Variants in TGM6 observed in about 807,000 individuals in gnomAD.
TGM6 encodes transglutaminase 6.
A neutral mutation model predicts 77.5 loss-of-function variants in TGM6; 74 were observed. That is an observed-to-expected ratio of 0.96 (90% CI 0.79 to 1.16). The LOEUF (loss-of-function observed/expected upper bound fraction) is 1.16, where lower values mean the gene tolerates loss of function less well. TGM6 is among the 50% of genes most tolerant of loss of function. TGM6 has a pLI of 0.00. For missense variants in TGM6, 968 were observed against 940.2 expected (o/e 1.03, Z -0.39); for synonymous variants, 383 against 378.9 (o/e 1.01, Z -0.12).
At chr20:2,419,210 ATCTCTCTCAG>A (rs1450278505) in intron 10 of TGM6, among the ~76,000 whole-genome samples, 1 of 150,892 alleles carries the variant, frequency 6.6e-6, no homozygotes, top group Non-Finnish European at 1.5e-5. Flanking sequence ...CTGTCTCTCT[ATCTCTCTCAG>A]TCTATCTCTG....
chr20:2,381,182 A>G (rs887673595), intron 1 of TGM6, among the ~76,000 whole-genome samples: 5 of 152,134 alleles, frequency 3.3e-5, no homozygotes, highest in African/African-American at 1.2e-4. Flanking sequence ...GCCATGGCCC[A>G]GGCTGGCTCA....
At chr20:2,398,767 A>G (rs2084685990) in intron 5 of TGM6, among the ~76,000 whole-genome samples, 2 of 152,214 alleles carry the variant, frequency 1.3e-5, no homozygotes, top group African/African-American at 4.8e-5. Context: ...AGGCATGACA[A>G]CTTTAACCTA....
At position 2,398,004 on chromosome 20, in the gene TGM6, C is replaced by T. The variant is rs1013563824; in HGVS notation, c.630C>T (p.Cys210=). Reference sequence around the variant, plus strand: ...ACAACCCAGCCACCGACGTGTCCTGCCGCCACAACCCCATCTACGTCACCA... The same window carrying T: ...ACAACCCAGCCACCGACGTGTCCTGTCGCCACAACCCCATCTACGTCACCA... ...HQNNPATDVS[C]RHNPIYVTRV... is the part of the protein sequence containing the mutation. The change falls in exon 5 of 13, where the codon TGC becomes TGT. Residue 210 remains cysteine, a synonymous_variant. Transcript: ENST00000202625. The T allele has an allele frequency of 6.2e-7, 1 of 1,614,044 alleles. No individual in the cohort carries two copies. Among genetic ancestry groups the T allele is most frequent in the African/African-American group, 1.3e-5 (1 of 74,904 alleles).
chr20:2,428,930 T>C (rs2084906256), intron 10 of TGM6, among the ~76,000 whole-genome samples: 1 of 151,992 alleles, frequency 6.6e-6, no homozygotes, highest in Non-Finnish European at 1.5e-5. Context: ...TTCAAGTAAT[T>C]CTCCTGCCTC....
At chr20:2,395,491 G>C (rs2084658934) in intron 3 of TGM6, 55 bp downstream of exon 3, 2 of 1,613,926 alleles carry the variant, frequency 1.2e-6, no homozygotes, top group Non-Finnish European at 1.7e-6. Context: ...CCTTAGAGGA[G>C]AGCCTGCCCT....
chr20:2,428,858 C>T lies in TGM6; in HGVS notation c.1679-1588C>T, dbSNP rs901656670. 1.4e-4 allele frequency among the ~76,000 whole-genome samples: 21 copies of T among 152,304 alleles called. 1 individual carries two copies. Among genetic ancestry groups the T allele is most frequent in the Admixed American group, 7.2e-4 (11 of 15,294 alleles). ...TGTTATTTTGAGATAGAGTCTCTCT[C>T]TGTCGCTCAGGCTGGAGTGCAGTGG... On this transcript the variant is annotated intron_variant, in intron 10 of 12. Coordinates refer to ENST00000202625, the MANE Select transcript of TGM6 (RefSeq NM_198994.3).
intron 1 of TGM6, among the ~76,000 whole-genome samples, chr20:2,386,734 C>G (rs1180301275): frequency 6.6e-6 from 1 of 152,102 alleles, no homozygotes; most frequent in African/African-American, 2.4e-5. Context: ...ATCCCACCAC[C>G]TCCTCTTGCC....
At chr20:2,384,860 G>A (rs1311503484) in intron 1 of TGM6, among the ~76,000 whole-genome samples, 1 of 152,136 alleles carries the variant, frequency 6.6e-6, no homozygotes, top group Non-Finnish European at 1.5e-5. Flanking sequence ...TGCCTGGGGG[G>A]TACAGCCTCA....
chr20:2,414,934 T>TGG (rs796313071), intron 9 of TGM6, among the ~76,000 whole-genome samples: 44 of 28,708 alleles, frequency 1.5e-3, no homozygotes, highest in African/African-American at 4.4e-3. Flanking sequence ...TTACAGAATT[T>TGG]GGGGGGGGGG....
chr20:2,414,363 G>T (rs1011069376), intron 9 of TGM6, among the ~76,000 whole-genome samples: 1 of 152,152 alleles, frequency 6.6e-6, no homozygotes, highest in African/African-American at 2.4e-5. Context: ...ACCACAATGA[G>T]ATACCACTTC....
chr20:2,387,195 C>T (rs886762395), intron 1 of TGM6, among the ~76,000 whole-genome samples: 1 of 152,176 alleles, frequency 6.6e-6, no homozygotes. Context: ...TACCTGGTTG[C>T]GGGAGAGGGT....
At chr20:2,395,171 T>C (rs1341658044) in intron 2 of TGM6, 23 bp from the exon 3 acceptor site, 2 of 1,610,056 alleles carry the variant, frequency 1.2e-6, no homozygotes, top group Non-Finnish European at 8.5e-7. Context: ...AAGGGTCTCC[T>C]GATTCCCTCT....
intron 1 of TGM6, among the ~76,000 whole-genome samples, chr20:2,391,176 T>C (rs1190876596): frequency 1.3e-5 from 2 of 151,326 alleles, no homozygotes; most frequent in Non-Finnish European, 2.9e-5. Flanking sequence ...GGGAACCCAG[T>C]GAGCATGACA....
At chr20:2,396,993 C>T (rs75737558) in intron 4 of TGM6, among the ~76,000 whole-genome samples, 6,580 of 152,274 alleles carry the variant, frequency 0.043, 204 homozygotes, top group Middle Eastern at 0.092. Context: ...TGAGAATGTG[C>T]GTTTCTAACC....
At chr20:2,399,438 G>A in intron 5 of TGM6, 123 bp from the exon 6 acceptor site, 1 of 1,360,570 alleles carries the variant, frequency 7.3e-7, no homozygotes, top group Non-Finnish European at 1.0e-6. Context: ...TTTTCAGACA[G>A]TTAAAAAGCA....
intron 12 of TGM6, among the ~76,000 whole-genome samples, chr20:2,431,944 G>C (rs180944527): frequency 6.6e-6 from 1 of 152,246 alleles, no homozygotes; most frequent in Non-Finnish European, 1.5e-5. Context: ...AAAGCCCAGA[G>C]GGGGGAAGTT....
At chr20:2,423,377 A>C (rs1204851462) in intron 10 of TGM6, among the ~76,000 whole-genome samples, 1 of 152,096 alleles carries the variant, frequency 6.6e-6, no homozygotes, top group Non-Finnish European at 1.5e-5. Context: ...TGTAATATTC[A>C]AAATCTTTTG....
At chr20:2,397,617 C>T (rs1044176428) in intron 4 of TGM6, among the ~76,000 whole-genome samples, 4 of 152,152 alleles carry the variant, frequency 2.6e-5, no homozygotes, top group African/African-American at 7.2e-5. Context: ...AGCATATCAG[C>T]GAGGTGGATG....
Position 2,420,520 on chromosome 20 carries a change from G to A in TGM6, c.1678+2947G>A, listed in dbSNP as rs180760179. 2.6e-5 allele frequency among the ~76,000 whole-genome samples: 4 copies of A among 152,308 alleles called. No homozygotes were observed. The East Asian group carries it at 5.8e-4, about 22-fold the overall frequency. On this transcript the variant is annotated intron_variant, in intron 10 of 12. Coordinates refer to ENST00000202625, the MANE Select transcript of TGM6 (RefSeq NM_198994.3). ...CATAGTTAATATTAGGGTTCACTCT[G>A]TGTTGTGCATTCTATGGCTTTTGAC...
Sources: gnomAD v4.1 joint callset for allele counts (sites outside exome capture counted in the v4.1 genomes callset) on GRCh38, gnomAD v4.1.1 for gene constraint, MANE v1.5 for transcripts, NCBI Gene and HGNC (gene_info 2026-07-23, HGNC 2026-07-21) for gene names.